Variants in CELA2A observed in about 807,000 individuals in gnomAD.
The protein encoded by CELA2A is chymotrypsin-like elastase family member 2A.
A neutral mutation model predicts 35.3 loss-of-function variants in CELA2A; 31 were observed. The observed-to-expected ratio is 0.88, with a 90% CI of 0.66 to 1.19. The LOEUF (loss-of-function observed/expected upper bound fraction) is 1.19, where lower values mean the gene tolerates loss of function less well. Among genes scored for constraint, CELA2A ranks in the 50% most tolerant of loss-of-function variants. The pLI, the probability that CELA2A is intolerant of heterozygous loss-of-function variation, is 0.00. For missense variants in CELA2A, 330 were observed against 352.9 expected (o/e 0.94, Z 0.52); for synonymous variants, 150 against 149.8 (o/e 1.00, Z -0.01).
rs1254405660 is a variant in CELA2A, at chr1:15,463,807, T to A, written c.493+285T>A. 2.6e-5 allele frequency among the ~76,000 whole-genome samples: 4 copies of A among 152,052 alleles called. 1 individual carries two copies. Among genetic ancestry groups the A allele is most frequent in the Non-Finnish European group, 5.9e-5 (4 of 68,000 alleles). On this transcript the variant is annotated intron_variant, in intron 5 of 7. Transcript: ENST00000359621. ...GCTCATACCTGTAATCCCAGCACTT[T>A]GGGAGGCCCATCCCGCGGATCACTT...
intron 2 of CELA2A, among the ~76,000 whole-genome samples, chr1:15,460,337 C>T (rs913105925): frequency 6.6e-6 from 1 of 151,848 alleles, no homozygotes; most frequent in Admixed American, 6.6e-5. Context: ...TTTTAAGTAT[C>T]TTTTTTCACT....
In CELA2A at chr1:15,467,505, G is replaced by A. The variant is rs1292630359; in HGVS notation, c.759G>A (p.Thr253=). 5.3e-5 allele frequency: 85 copies of A among 1,614,012 alleles called. No homozygotes were observed. The highest frequency in any genetic ancestry group is 6.1e-5 in the Non-Finnish European group (72 of 1,180,056). ...ACTACCACAAGCCCTCCGTCTTCAC[G>A]CGGGTCTCCAATTACATCGACTGGA... ...CNYYHKPSVF[T]RVSNYIDWIN... Residue 253 remains threonine, a synonymous_variant, in exon 7 of 8, where the codon ACG becomes ACA. Transcript: ENST00000359621.
intron 2 of CELA2A, among the ~76,000 whole-genome samples, chr1:15,461,250 T>C (rs7546774): frequency 0.27 from 41,515 of 151,756 alleles, 5,915 homozygotes; most frequent in Middle Eastern, 0.43. Context: ...CCTTATCAGA[T>C]GGGGTTTCAC....
At position 15,466,090 on chromosome 1, in the gene CELA2A, C is replaced by T. The variant is rs1002666141; in HGVS notation, c.585C>T (p.Ser195=). The change falls in exon 6 of 8, where the codon AGC becomes AGT. Residue 195 remains serine, a synonymous_variant. Transcript: ENST00000359621. ...CCAGCTCTGCCTGGTGGGGCAGCAG[C>T]GTGAAAACCAGTATGATCTGTGCTG... ...TCSSSAWWGS[S]VKTSMICAGG... is the part of the protein sequence containing the mutation. The T allele has an allele frequency of 1.9e-6, 3 of 1,614,072 alleles. No homozygotes were observed. Among genetic ancestry groups the T allele is most frequent in the Non-Finnish European group, 2.5e-6 (3 of 1,180,024 alleles).
chr1:15,464,634 T>G (rs1203463658), intron 5 of CELA2A, among the ~76,000 whole-genome samples: 1 of 152,220 alleles, frequency 6.6e-6, no homozygotes, highest in Non-Finnish European at 1.5e-5. Context: ...CTTGACTGGC[T>G]TATCTGTAAA....
rs1284952461 is a variant in CELA2A, at chr1:15,471,926, A to G, written c.793-64A>G. The G allele has an allele frequency of 4.0e-5, 65 of 1,607,762 alleles. No individual in the cohort carries two copies. The Admixed American group carries it at 1.1e-3, about 27-fold the overall frequency. On this transcript the variant is annotated intron_variant, in intron 7 of 7. Transcript: ENST00000359621. ...TAGCTTAGCCCAGGAGGACAGAGACAGGAAACTGCCATGCACAGCTCTGCG... is the reference window on the plus strand; with the variant it reads ...TAGCTTAGCCCAGGAGGACAGAGACGGGAAACTGCCATGCACAGCTCTGCG...
chr1:15,462,340 T>C (rs1708446929), intron 3 of CELA2A: 1 of 402,724 alleles, frequency 2.5e-6, no homozygotes, highest in Admixed American at 3.2e-5. Context: ...GGTTTCTCAC[T>C]AACGGTGGGA....
chr1:15,470,708 G>A (rs1370607911), intron 7 of CELA2A, among the ~76,000 whole-genome samples: 1 of 152,140 alleles, frequency 6.6e-6, no homozygotes, highest in Non-Finnish European at 1.5e-5. Context: ...AGCCTCCTGA[G>A]TAGCTGGGAT....
intron 2 of CELA2A, among the ~76,000 whole-genome samples, chr1:15,458,334 G>A (rs538278170): frequency 6.7e-6 from 1 of 150,018 alleles, no homozygotes; most frequent in Non-Finnish European, 1.5e-5. Flanking sequence ...TAAGAGTCAT[G>A]GTGATCCAGT....
intron 5 of CELA2A, among the ~76,000 whole-genome samples, chr1:15,465,150 T>C (rs1201031937): frequency 2.0e-5 from 3 of 151,826 alleles, no homozygotes; most frequent in Non-Finnish European, 4.4e-5. Context: ...TAGCTGGCAT[T>C]ATAGGCGAGT....
chr1:15,465,877 G>T, intron 5 of CELA2A, 122 bp from the exon 6 acceptor site: 2 of 1,155,662 alleles, frequency 1.7e-6, no homozygotes, highest in Middle Eastern at 5.8e-4. Flanking sequence ...ATAGACAAAC[G>T]TGGCTGTTCG....
chr1:15,458,744 C>T (rs545085387), intron 2 of CELA2A, among the ~76,000 whole-genome samples: 205 of 151,818 alleles, frequency 1.4e-3, no homozygotes, highest in Middle Eastern at 6.8e-3. Context: ...GAAACTCTGC[C>T]TCTACTAAAA....
intron 6 of CELA2A, 50 bp downstream of exon 6, chr1:15,466,194 A>T (rs1261734734): frequency 6.2e-7 from 1 of 1,603,302 alleles, no homozygotes; most frequent in Non-Finnish European, 8.5e-7. Context: ...GTGGCTGGGG[A>T]TAAGGCTATA....
chr1:15,464,147 G>T (rs1373774857), intron 5 of CELA2A, among the ~76,000 whole-genome samples: 3 of 152,210 alleles, frequency 2.0e-5, no homozygotes, highest in Non-Finnish European at 4.4e-5. Flanking sequence ...GGTAGGTGCT[G>T]TGTTAGTTGT....
chr1:15,470,856 C>G (rs1708580593), intron 7 of CELA2A, among the ~76,000 whole-genome samples: 1 of 152,184 alleles, frequency 6.6e-6, no homozygotes, highest in Non-Finnish European at 1.5e-5. Context: ...GCTGGGATTA[C>G]AGGCATGAGC....
At chr1:15,471,190 T>C (rs1305963503) in intron 7 of CELA2A, among the ~76,000 whole-genome samples, 4 of 152,206 alleles carry the variant, frequency 2.6e-5, no homozygotes, top group Non-Finnish European at 4.4e-5. Flanking sequence ...GGTCTGAGTA[T>C]TTGTGCTGTA....
intron 7 of CELA2A, among the ~76,000 whole-genome samples, chr1:15,470,263 C>A (rs879292981): frequency 2.0e-5 from 3 of 152,098 alleles, no homozygotes; most frequent in Non-Finnish European, 2.9e-5. Context: ...GAGTCACATA[C>A]CACTAGAGCC....
At chr1:15,462,285 G>A (rs1183269725) in intron 3 of CELA2A, 1 of 464,726 alleles carries the variant, frequency 2.2e-6, no homozygotes, top group Non-Finnish European at 4.4e-6. Flanking sequence ...AGGTATTGGG[G>A]AAAATAATAG....
intron 3 of CELA2A, 148 bp downstream of exon 3, chr1:15,461,806 G>T: frequency 1.1e-6 from 1 of 907,370 alleles, no homozygotes; most frequent in Non-Finnish European, 1.8e-6. Flanking sequence ...GTCAATCAAT[G>T]GTTCAGTGTG....
Sources: allele counts gnomAD v4.1 joint callset (sites outside exome capture counted in the v4.1 genomes callset), GRCh38; gene constraint gnomAD v4.1.1; transcripts MANE v1.5; gene names NCBI Gene and HGNC (gene_info 2026-07-23, HGNC 2026-07-21).